NUAK2: variants seen among roughly 807,000 people sequenced by gnomAD.
NUAK2 encodes NUAK family kinase 2.
Under a neutral mutation model 29.8 loss-of-function variants are expected in NUAK2, and 20 were observed. The ratio of observed to expected loss-of-function variants is 0.67; its 90% CI spans 0.47 to 0.98. The LOEUF (loss-of-function observed/expected upper bound fraction) is 0.98. Among genes scored for constraint, NUAK2 ranks in the 50% least tolerant of loss-of-function variants. The pLI is 0.00. For synonymous variants in NUAK2, 331 were observed against 342.6 expected, an observed-to-expected ratio of 0.97 and a Z score of 0.37; for missense variants, 719 against 834.5, an observed-to-expected ratio of 0.86 and a Z score of 1.71.
At chr1:205,306,990 A>G (rs961401079) in intron 4 of NUAK2, among the ~76,000 whole-genome samples, 6 of 152,208 alleles carry the variant, frequency 3.9e-5, no homozygotes, top group African/African-American at 1.4e-4. Flanking sequence ...TCAGCCCAAT[A>G]TAGCTAAGAA....
At chr1:205,312,940 G>A (rs1290213255) in intron 1 of NUAK2, among the ~76,000 whole-genome samples, 2 of 152,146 alleles carry the variant, frequency 1.3e-5, no homozygotes, top group African/African-American at 4.8e-5. Flanking sequence ...AAAACATTAT[G>A]CTAAGTGAAA....
chr1:205,321,715 G>A lies in NUAK2; in HGVS notation c.-87C>T. The A allele has an allele frequency of 9.2e-7, 1 of 1,091,126 alleles. No individual in the cohort carries two copies. The highest frequency in any genetic ancestry group is 2.2e-5 in the Admixed American group (1 of 45,106). 67.6% of individuals were successfully genotyped at this position (1,091,126 alleles called of 1,614,324 possible). ...GCGCGGGGCACAGGTCCCGCACCAGGACGGGGAGCCACAGCAGTACCAGAG... is the reference window on the plus strand; with the variant it reads ...GCGCGGGGCACAGGTCCCGCACCAGAACGGGGAGCCACAGCAGTACCAGAG... On this transcript the variant is annotated 5_prime_UTR_variant, in exon 1 of 7. Transcript: ENST00000367157.
chr1:205,303,360 T>C lies in NUAK2; in HGVS notation c.*90A>G. On this transcript the variant is annotated 3_prime_UTR_variant, in exon 7 of 7. Coordinates refer to ENST00000367157, the MANE Select transcript of NUAK2 (RefSeq NM_030952.3). ...TCAGCCTTCTGAGCTGGGATGCAGG[T>C]CCTGGGAGGTGGGGGAGAAGGCATC... The C allele has an allele frequency of 4.2e-6, 5 of 1,179,304 alleles. No individual in the cohort carries two copies. Among genetic ancestry groups the C allele is most frequent in the Non-Finnish European group, 5.9e-6 (5 of 843,634 alleles). The allele number at this position is 1,179,304 out of a possible 1,614,324, so 73.1% of individuals were successfully genotyped here.
chr1:205,319,766 T>C (rs1662382688), intron 1 of NUAK2, among the ~76,000 whole-genome samples: 1 of 152,160 alleles, frequency 6.6e-6, no homozygotes, highest in Admixed American at 6.5e-5. Flanking sequence ...AGGAAAAACA[T>C]ACTCGGTCCT....
intron 1 of NUAK2, among the ~76,000 whole-genome samples, chr1:205,320,517 G>T (rs1029882112): frequency 1.1e-4 from 16 of 152,186 alleles, no homozygotes; most frequent in Admixed American, 2.6e-4. Flanking sequence ...GCCCGCCTCG[G>T]CCTCCCACAG....
Position 205,308,357 on chromosome 1 carries a change from G to A in NUAK2, c.505-127C>T. On this transcript the variant is annotated intron_variant, in intron 3 of 6. Transcript: ENST00000367157. This position sits in a 1 kb window ranked among gnomAD's most constrained non-coding sequence, Gnocchi z 4.1. ...GCTTGAGCACAGGTAGGCTGGGAATGCCTATCTTTATCGGTATGTGCTGCA... is the reference window on the plus strand; with the variant it reads ...GCTTGAGCACAGGTAGGCTGGGAATACCTATCTTTATCGGTATGTGCTGCA... 1 of 809,556 alleles carries A rather than the reference G, an allele frequency of 1.2e-6. No homozygotes were observed. The highest frequency in any genetic ancestry group is 2.0e-6 in the Non-Finnish European group (1 of 503,028). The allele number at this position is 809,556 out of a possible 1,614,324, so 50.1% of individuals were successfully genotyped here. A position where few individuals can be genotyped will look rare whatever the true frequency, so the allele number is the denominator to read the frequency against.
chr1:205,306,206 C>T lies in NUAK2; in HGVS notation c.672G>A (p.Lys224=). The change falls in exon 5 of 7, where the codon AAG becomes AAA. Residue 224 remains lysine (K), a synonymous_variant. Transcript: ENST00000367157. The part of the protein sequence containing the change: ...LYASPEIVNG[K]PYTGPEVDSW... ...CACTTACCTCTGGGCCTGTGTAGGGCTTCCCATTGACAATCTCTGGCGAGG... is the reference window on the plus strand; with the variant it reads ...CACTTACCTCTGGGCCTGTGTAGGGTTTCCCATTGACAATCTCTGGCGAGG... The T allele has an allele frequency of 6.2e-7, 1 of 1,613,120 alleles. No homozygotes were observed. Among genetic ancestry groups the T allele is most frequent in the African/African-American group, 1.3e-5 (1 of 75,026 alleles).
At position 205,308,328 on chromosome 1, in the gene NUAK2, G is replaced by A. The variant is rs1443480421; in HGVS notation, c.505-98C>T. On this transcript the variant is annotated intron_variant, in intron 3 of 6. Transcript: ENST00000367157. The surrounding 1 kb of genome is among the most constrained non-coding windows in gnomAD (Gnocchi z 4.1). ...CTGAGGTAAACACAAAGGGAGCCAA[G>A]TGGGCTTGAGCACAGGTAGGCTGGG... 2 of 945,976 alleles carry A rather than the reference G, an allele frequency of 2.1e-6. No homozygotes were observed. Among genetic ancestry groups the A allele is most frequent in the African/African-American group, 3.3e-5 (2 of 60,522 alleles). 58.6% of individuals were successfully genotyped at this position (945,976 alleles called of 1,614,324 possible). A position where few individuals can be genotyped will look rare whatever the true frequency, so the allele number is the denominator to read the frequency against.
At chr1:205,320,363 C>A (rs1179609613) in intron 1 of NUAK2, among the ~76,000 whole-genome samples, 1 of 152,202 alleles carries the variant, frequency 6.6e-6, no homozygotes, top group African/African-American at 2.4e-5. Context: ...CTCCTGGGTT[C>A]AGGCCATTCT....
intron 2 of NUAK2, among the ~76,000 whole-genome samples, chr1:205,310,793 C>T (rs1662246762): frequency 6.6e-6 from 1 of 152,184 alleles, no homozygotes; most frequent in African/African-American, 2.4e-5. Context: ...TAAAATTAGC[C>T]TTCTCAGCCA....
chr1:205,319,153 T>A (rs1224876697), intron 1 of NUAK2, among the ~76,000 whole-genome samples: 1 of 152,024 alleles, frequency 6.6e-6, no homozygotes, highest in Non-Finnish European at 1.5e-5. Flanking sequence ...GAGAAACCAT[T>A]AGCACAGCAG....
At chr1:205,312,512 G>A (rs1353176551) in intron 1 of NUAK2, among the ~76,000 whole-genome samples, 2 of 152,182 alleles carry the variant, frequency 1.3e-5, no homozygotes, top group African/African-American at 2.4e-5. Context: ...AAGAAAAGTA[G>A]GGATAGGTCT....
At position 205,304,462 on chromosome 1, in the gene NUAK2, G is replaced by A; in HGVS notation, c.875C>T (p.Ala292Val). 1 of 1,534,422 alleles carries A rather than the reference G, an allele frequency of 6.5e-7. No homozygotes were observed. Among genetic ancestry groups the A allele is most frequent in the African/African-American group, 1.4e-5 (1 of 72,670 alleles). The change falls in exon 7 of 7, where the codon GCC becomes GTC. Residue 292 changes from alanine to valine, a missense_variant. This residue lies in a region of NUAK2 where 430 missense variants were observed against 465.7 expected (regional missense o/e 0.92). Transcript: ENST00000367157. This position sits in a 1 kb window ranked among gnomAD's most constrained non-coding sequence, Gnocchi z 6.5. The part of the protein sequence containing the change: ...WLLMVNPTRR[A>V]TLEDVASHWW... ...GTGACTGGCCACATCCTCCAGGGTG[G>A]CCCGGCGGGTGGGGTTCACCATCAA... is the stretch of plus-strand genomic sequence containing the variant.
Position 205,303,586 on chromosome 1 carries a change from G to T in NUAK2, c.1751C>A (p.Pro584His), listed in dbSNP as rs762888540. Residue 584 changes from proline to histidine, a missense_variant, in exon 7 of 7, where the codon CCC becomes CAC. By Grantham distance (77) the Pro-to-His change is moderately conservative. This residue lies in a region of NUAK2 where 430 missense variants were observed against 465.7 expected (regional missense o/e 0.92). Coordinates refer to ENST00000367157, the MANE Select transcript of NUAK2 (RefSeq NM_030952.3). ...CAGGCAGCTTCCAGGGCCCTCTGAG[G>T]GGGGCTCCTCAAGCCCCGTGAGGTT... ...VDNLTGLEEP[P>H]SEGPGSCLRR... 2 of 1,613,236 alleles carry T rather than the reference G, an allele frequency of 1.2e-6. No individual in the cohort carries two copies. Among genetic ancestry groups the T allele is most frequent in the Non-Finnish European group, 1.7e-6 (2 of 1,179,824 alleles).
chr1:205,311,781 T>G lies in NUAK2; in HGVS notation c.276A>C (p.Gln92His). ...TCTCCCTCCGTATGTGCATCAGATCTTGCTCATCTTTGATTTTGTCCTTCC... is the reference window on the plus strand; with the variant it reads ...TCTCCCTCCGTATGTGCATCAGATCGTGCTCATCTTTGATTTTGTCCTTCC... ...SIRKDKIKDEQDLMHIRREIE... is the reference protein window; with the variant it reads ...SIRKDKIKDEHDLMHIRREIE... The change falls in exon 2 of 7, where the codon CAA (glutamine) becomes CAC (histidine). Residue 92 changes from glutamine to histidine, a missense_variant. Gln to His is a conservative substitution (Grantham distance 24, BLOSUM62 0). This residue lies in a region of NUAK2 where 283 missense variants were observed against 345.6 expected (regional missense o/e 0.82). Transcript: ENST00000367157. The G allele has an allele frequency of 1.2e-6, 2 of 1,614,198 alleles. No homozygotes were observed. Among genetic ancestry groups the G allele is most frequent in the Non-Finnish European group, 1.7e-6 (2 of 1,180,034 alleles).
In NUAK2 at chr1:205,319,221, G is replaced by A. The variant is rs565898495; in HGVS notation, c.231+2177C>T. Among the ~76,000 whole-genome samples, 15 of 152,344 alleles carry A rather than the reference G, an allele frequency of 9.8e-5. No homozygotes were observed. In the South Asian group the frequency reaches 2.9e-3, roughly 29 times the overall value. ...AGCAAGTTCCCAGCTGCAGAACTGG[G>A]TGGTCTATGGATCAGGGAGGTTCAC... On this transcript the variant is annotated intron_variant, in intron 1 of 6. Transcript: ENST00000367157.
chr1:205,311,039 C>T (rs1270568092), intron 2 of NUAK2, among the ~76,000 whole-genome samples: 2 of 152,204 alleles, frequency 1.3e-5, no homozygotes, highest in Non-Finnish European at 2.9e-5. Flanking sequence ...TCGACGCAGA[C>T]AGGTGTGTGT....
At chr1:205,307,793 A>G (rs1457997838) in intron 4 of NUAK2, among the ~76,000 whole-genome samples, 1 of 152,236 alleles carries the variant, frequency 6.6e-6, no homozygotes, top group Non-Finnish European at 1.5e-5. Flanking sequence ...GTGTACATAC[A>G]TGAGAAGAAC....
chr1:205,313,988 G>GA (rs1262307182), intron 1 of NUAK2, among the ~76,000 whole-genome samples: 1 of 152,178 alleles, frequency 6.6e-6, no homozygotes, highest in African/African-American at 2.4e-5. Flanking sequence ...AAGGGAGAGA[G>GA]AAAAAAGGAA....
Sources: gnomAD v4.1 joint callset for allele counts (sites outside exome capture counted in the v4.1 genomes callset) on GRCh38, gnomAD v4.1.1 for gene constraint, gnomAD v4.1.1 regional missense constraint, Gnocchi (gnomAD v3.1) non-coding constraint, MANE v1.5 for transcripts, NCBI Gene and HGNC (gene_info 2026-07-23, HGNC 2026-07-21) for gene names.